Variants in LRMDA observed in about 807,000 individuals in gnomAD.
The protein encoded by LRMDA is leucine rich melanocyte differentiation associated.
Under a neutral mutation model 29.8 loss-of-function variants are expected in LRMDA, and 18 were observed. The ratio of observed to expected loss-of-function variants is 0.60; its 90% CI spans 0.42 to 0.90. LRMDA has a LOEUF of 0.90. Ranked by LOEUF, LRMDA falls within the 40% of genes least tolerant of loss-of-function variation. LRMDA has a pLI of 0.00. For missense variants in LRMDA, 273 were observed against 273.9 expected, an observed-to-expected ratio of 1.00 and a Z score of 0.02; for synonymous variants, 125 against 109.4, an observed-to-expected ratio of 1.14 and a Z score of -0.89.
chr10:76,079,847 G>A (rs1348103855), intron 5 of LRMDA, among the ~76,000 whole-genome samples: 1 of 152,090 alleles, frequency 6.6e-6, no homozygotes, highest in African/African-American at 2.4e-5. Flanking sequence ...GAAGAGACCT[G>A]CCTTCATCTT....
chr10:76,181,198 A>G (rs1416819884), intron 5 of LRMDA, among the ~76,000 whole-genome samples: 2 of 152,078 alleles, frequency 1.3e-5, no homozygotes, highest in Non-Finnish European at 2.9e-5. Flanking sequence ...TTCTATATAC[A>G]TTTCTCAAGG....
chr10:76,195,503 A>G (rs1201064254), intron 5 of LRMDA, among the ~76,000 whole-genome samples: 1 of 152,186 alleles, frequency 6.6e-6, no homozygotes, highest in African/African-American at 2.4e-5. Context: ...CAGGGCTCAG[A>G]TGAAAATTGA....
At chr10:76,025,038 G>A (rs1009987521) in intron 2 of LRMDA, among the ~76,000 whole-genome samples, 4 of 151,936 alleles carry the variant, frequency 2.6e-5, no homozygotes, top group Non-Finnish European at 5.9e-5. Flanking sequence ...TATAGAACCC[G>A]CCAAACAAAC....
chr10:76,503,540 C>T (rs1472096068), intron 6 of LRMDA, among the ~76,000 whole-genome samples: 1 of 150,528 alleles, frequency 6.6e-6, no homozygotes, highest in Non-Finnish European at 1.5e-5. Context: ...TCACTTTCTT[C>T]CTGGATCAAT....
At chr10:75,585,342 A>G (rs1814486422) in intron 2 of LRMDA, among the ~76,000 whole-genome samples, 1 of 152,258 alleles carries the variant, frequency 6.6e-6, no homozygotes, top group African/African-American at 2.4e-5. Flanking sequence ...GGGCATTCTC[A>G]TTGCTATACA....
intron 6 of LRMDA, among the ~76,000 whole-genome samples, chr10:76,541,044 A>G (rs1843348253): frequency 6.6e-6 from 1 of 152,172 alleles, no homozygotes. Context: ...GAAGGAAATC[A>G]TTCCTTAGTC....
rs748665430 is a variant in LRMDA at position 75,610,873 on chromosome 10, C to T, written c.131+172379C>T. On this transcript the variant is annotated intron_variant, in intron 2 of 6. Transcript: ENST00000611255. ...TGGCCCAACGTAGGCTAAATTTTAC[C>T]GCAAATTCCAAATGATGGGAGTCGT... Among the ~76,000 whole-genome samples the T allele has an allele frequency of 3.9e-5, 6 of 152,130 alleles. No homozygotes were observed. The East Asian group carries it at 5.8e-4, about 15-fold the overall frequency.
chr10:75,509,398 C>T (rs1845202686), intron 2 of LRMDA, among the ~76,000 whole-genome samples: 1 of 152,190 alleles, frequency 6.6e-6, no homozygotes, highest in African/African-American at 2.4e-5. Flanking sequence ...TCTGCTTCCA[C>T]AGCATGTTTT....
At chr10:75,502,033 C>T (rs1444520095) in intron 2 of LRMDA, among the ~76,000 whole-genome samples, 1 of 152,164 alleles carries the variant, frequency 6.6e-6, no homozygotes, top group Non-Finnish European at 1.5e-5. Flanking sequence ...GTGTGTCCTG[C>T]CATCATTCAG....
At chr10:76,067,220 T>G (rs1848798999) in intron 5 of LRMDA, among the ~76,000 whole-genome samples, 1 of 152,204 alleles carries the variant, frequency 6.6e-6, no homozygotes, top group African/African-American at 2.4e-5. Context: ...CCTTATAGTA[T>G]TCACTGTCTC....
chr10:76,102,520 A>G (rs1019443445), intron 5 of LRMDA, among the ~76,000 whole-genome samples: 13 of 152,214 alleles, frequency 8.5e-5, no homozygotes, highest in African/African-American at 2.9e-4. Flanking sequence ...TTTGCTTAGC[A>G]TAATGGCCTC....
intron 2 of LRMDA, among the ~76,000 whole-genome samples, chr10:75,926,247 G>C (rs1214559487): frequency 6.6e-6 from 1 of 152,094 alleles, no homozygotes; most frequent in Non-Finnish European, 1.5e-5. Flanking sequence ...ACCTAGCAGG[G>C]AGCAAGACCA....
intron 6 of LRMDA, among the ~76,000 whole-genome samples, chr10:76,448,372 C>T (rs549343739): frequency 2.6e-5 from 4 of 152,060 alleles, no homozygotes; most frequent in Non-Finnish European, 5.9e-5. Flanking sequence ...TAATATCTCT[C>T]TTAGCATAAA....
intron 2 of LRMDA, among the ~76,000 whole-genome samples, chr10:75,931,751 A>G (rs778079538): frequency 1.3e-5 from 2 of 152,204 alleles, no homozygotes; most frequent in East Asian, 1.9e-4. Flanking sequence ...CTCATCAGCA[A>G]TACTGAGCTA....
At chr10:75,872,383 A>G (rs1845128943) in intron 2 of LRMDA, among the ~76,000 whole-genome samples, 1 of 151,974 alleles carries the variant, frequency 6.6e-6, no homozygotes. Flanking sequence ...GGCTCACTGC[A>G]ACCTCCATCT....
chr10:75,989,833 T>A (rs549236057), intron 2 of LRMDA, among the ~76,000 whole-genome samples: 123 of 152,326 alleles, frequency 8.1e-4, no homozygotes, highest in Non-Finnish European at 1.5e-3. Flanking sequence ...ATCTTTGATA[T>A]CTGACATGGC....
At chr10:75,658,658 T>C (rs1473186365) in intron 2 of LRMDA, among the ~76,000 whole-genome samples, 1 of 152,216 alleles carries the variant, frequency 6.6e-6, no homozygotes, top group Non-Finnish European at 1.5e-5. Flanking sequence ...TTTTCATCTC[T>C]GGAAATTTTT....
chr10:76,418,358 G>A lies in LRMDA; in HGVS notation c.601+93873G>A, dbSNP rs546622752. Among the ~76,000 whole-genome samples, 8 of 151,482 alleles carry A rather than the reference G, an allele frequency of 5.3e-5. No individual in the cohort carries two copies. The South Asian group carries it at 1.7e-3, about 32-fold the overall frequency. ...TGTGTGTGTGTGTGTGTGTATGCAT[G>A]CATGTGTGTGGCAGTCTTGTACATA... is the stretch of plus-strand genomic sequence containing the variant. On this transcript the variant is annotated intron_variant, in intron 6 of 6. Transcript: ENST00000611255.
At chr10:76,429,155 G>A (rs546018163) in intron 6 of LRMDA, among the ~76,000 whole-genome samples, 1 of 151,398 alleles carries the variant, frequency 6.6e-6, no homozygotes, top group South Asian at 2.1e-4. Flanking sequence ...TAAAAATGTT[G>A]GAGAATTAAC....
Sources: allele counts gnomAD v4.1 joint callset (sites outside exome capture counted in the v4.1 genomes callset), GRCh38; gene constraint gnomAD v4.1.1; transcripts MANE v1.5; gene names NCBI Gene and HGNC (gene_info 2026-07-23, HGNC 2026-07-21).